EXOC4: variants seen among roughly 807,000 people sequenced by gnomAD.
EXOC4 encodes the protein SEC8-like 1.
EXOC4 carries 71 observed loss-of-function variants against 107.2 expected under a neutral mutation model. That is an observed-to-expected ratio of 0.66 (90% CI 0.55 to 0.81). EXOC4 has a LOEUF of 0.81. EXOC4 is among the 30% of genes least tolerant of loss of function. The probability of loss-of-function intolerance (pLI) is 0.00; values close to 1 mark genes in which losing one functional copy is unlikely to be tolerated. For synonymous variants in EXOC4, 456 were observed against 441.2 expected (o/e 1.03, Z -0.42); for missense variants, 1,108 against 1,189.6 (o/e 0.93, Z 1.01).
intron 9 of EXOC4, among the ~76,000 whole-genome samples, chr7:133,583,009 A>G (rs921258215): frequency 6.6e-6 from 1 of 152,240 alleles, no homozygotes; most frequent in African/African-American, 2.4e-5. Flanking sequence ...AATAATTCAC[A>G]TGCCATGCAT....
intron 17 of EXOC4, among the ~76,000 whole-genome samples, chr7:134,051,422 T>C (rs548063174): frequency 1.6e-4 from 25 of 152,024 alleles, no homozygotes; most frequent in Admixed American, 8.5e-4. Flanking sequence ...CCTGTAATCC[T>C]AGCACTTCGG....
chr7:133,984,512 G>A (rs1212149853), intron 14 of EXOC4, among the ~76,000 whole-genome samples: 2 of 151,954 alleles, frequency 1.3e-5, no homozygotes, highest in African/African-American at 4.8e-5. Context: ...AAAATATAAT[G>A]AAAAAAATGG....
intron 9 of EXOC4, among the ~76,000 whole-genome samples, chr7:133,554,842 T>A (rs1800662113): frequency 6.6e-6 from 1 of 152,240 alleles, no homozygotes; most frequent in South Asian, 2.1e-4. Flanking sequence ...TAATTTTCTT[T>A]AATCCTATGC....
intron 10 of EXOC4, among the ~76,000 whole-genome samples, chr7:133,802,771 C>G (rs894109408): frequency 1.3e-3 from 1 of 760 alleles, no homozygotes; most frequent in Non-Finnish European, 5.0e-3. Context: ...TGCTTGGACC[C>G]GGGAGGCGGA....
chr7:133,671,947 C>T (rs1793955818), intron 10 of EXOC4, among the ~76,000 whole-genome samples: 1 of 152,100 alleles, frequency 6.6e-6, no homozygotes, highest in South Asian at 2.1e-4. Flanking sequence ...ATGTGTTGAG[C>T]AGCTAGTTGA....
chr7:133,740,868 C>T (rs867406575), intron 10 of EXOC4, among the ~76,000 whole-genome samples: 2 of 152,162 alleles, frequency 1.3e-5, no homozygotes, highest in African/African-American at 4.8e-5. Context: ...CAGATATTAA[C>T]ATCCTCACAT....
At chr7:133,483,456 A>ACTCTGTG (rs1156543698) in intron 9 of EXOC4, among the ~76,000 whole-genome samples, 1 of 152,202 alleles carries the variant, frequency 6.6e-6, no homozygotes, top group African/African-American at 2.4e-5. Context: ...GAGGAATTTT[A>ACTCTGTG]CTCTGTGAGG....
At chr7:133,399,020 A>G (rs373959677) in intron 7 of EXOC4, among the ~76,000 whole-genome samples, 9 of 152,324 alleles carry the variant, frequency 5.9e-5, no homozygotes, top group African/African-American at 2.2e-4. Flanking sequence ...GTTCATGTAA[A>G]TTAGTTGGTC....
chr7:133,428,338 A>C (rs918922759), intron 7 of EXOC4, among the ~76,000 whole-genome samples: 2 of 152,338 alleles, frequency 1.3e-5, no homozygotes, highest in South Asian at 4.1e-4. Context: ...TGGACTTCTC[A>C]ATCAGAGAAT....
At chr7:133,591,827 A>C (rs1157749178) in intron 9 of EXOC4, among the ~76,000 whole-genome samples, 1 of 152,144 alleles carries the variant, frequency 6.6e-6, no homozygotes. Context: ...AATTAAAAAC[A>C]CTTTCATTTT....
At chr7:133,609,655 A>G (rs1414301787) in intron 9 of EXOC4, among the ~76,000 whole-genome samples, 2 of 152,240 alleles carry the variant, frequency 1.3e-5, no homozygotes, top group Non-Finnish European at 2.9e-5. Flanking sequence ...ATTGCCTTAC[A>G]TGTGATTTTA....
intron 17 of EXOC4, among the ~76,000 whole-genome samples, chr7:134,008,547 C>T (rs1794696127): frequency 6.6e-6 from 1 of 152,068 alleles, no homozygotes; most frequent in Non-Finnish European, 1.5e-5. Context: ...CTTCTCATTT[C>T]TTCCATCTTG....
chr7:133,269,302 G>C (rs1288422568), intron 1 of EXOC4, among the ~76,000 whole-genome samples: 1 of 152,144 alleles, frequency 6.6e-6, no homozygotes, highest in East Asian at 1.9e-4. Flanking sequence ...TTTGTAACAT[G>C]TATAGTAGAA....
intron 16 of EXOC4, among the ~76,000 whole-genome samples, chr7:134,006,195 AAT>A (rs925161410): frequency 1.3e-5 from 2 of 151,624 alleles, no homozygotes; most frequent in Non-Finnish European, 1.5e-5. Flanking sequence ...AAATGCATTT[AAT>A]ATATTTATTA....
At chr7:133,286,071 A>C (rs1172832154) in intron 2 of EXOC4, among the ~76,000 whole-genome samples, 2 of 152,116 alleles carry the variant, frequency 1.3e-5, no homozygotes, top group Non-Finnish European at 2.9e-5. Flanking sequence ...TTTTTTAAAA[A>C]AATTATTTAA....
At chr7:133,791,644 C>A (rs559241991) in intron 10 of EXOC4, among the ~76,000 whole-genome samples, 55 of 152,236 alleles carry the variant, frequency 3.6e-4, no homozygotes, top group Admixed American at 2.2e-3. Context: ...AATATAAGTT[C>A]TTGGTGTGAA....
At chr7:133,387,665 A>AT (rs1276058669) in intron 7 of EXOC4, among the ~76,000 whole-genome samples, 3 of 152,170 alleles carry the variant, frequency 2.0e-5, no homozygotes, top group Non-Finnish European at 4.4e-5. Flanking sequence ...TGAGATTTTC[A>AT]TGTAATGGAG....
chr7:133,790,130 C>G (rs2111524), intron 10 of EXOC4, among the ~76,000 whole-genome samples: 2 of 152,218 alleles, frequency 1.3e-5, no homozygotes, highest in Non-Finnish European at 2.9e-5. Flanking sequence ...AAGTCAGCCT[C>G]CTTCACAGTA....
intron 10 of EXOC4, among the ~76,000 whole-genome samples, chr7:133,777,286 AGAGAG>A (rs1562992913): frequency 0.12 from 17,529 of 149,456 alleles, 1,169 homozygotes; most frequent in Middle Eastern, 0.14. Context: ...AGAAAGAGAG[AGAGAG>A]AGAGAGAGAG....
Sources: allele counts gnomAD v4.1 joint callset (sites outside exome capture counted in the v4.1 genomes callset), GRCh38; gene constraint gnomAD v4.1.1; transcripts MANE v1.5; gene names NCBI Gene and HGNC (gene_info 2026-07-23, HGNC 2026-07-21).